NAV3: variants seen among roughly 807,000 people sequenced by gnomAD.
The protein encoded by NAV3 is pore membrane and/or filament interacting like protein 1.
NAV3 carries 87 observed loss-of-function variants against 244.7 expected under a neutral mutation model. That is an observed-to-expected ratio of 0.36 (90% CI 0.30 to 0.42). NAV3 has a LOEUF of 0.42. Among genes scored for constraint, NAV3 ranks in the 20% least tolerant of loss-of-function variants. The pLI is 1.00. For synonymous variants in NAV3, 1,126 were observed against 1,042.2 expected, an observed-to-expected ratio of 1.08 and a Z score of -1.55; for missense variants, 2,663 against 2,893.3, an observed-to-expected ratio of 0.92 and a Z score of 1.83.
chr12:77,712,776 C>T (rs573753725), intron 2 of NAV3, among the ~76,000 whole-genome samples: 5 of 152,302 alleles, frequency 3.3e-5, no homozygotes, highest in African/African-American at 1.2e-4. Flanking sequence ...GTTCTGTAAA[C>T]CAGATTTTGT....
chr12:78,168,857 C>T lies in NAV3; in HGVS notation c.4972C>T (p.Pro1658Ser), dbSNP rs1360695233. Residue 1658 changes from proline to serine, a missense_variant, in exon 24 of 40, where the codon CCT (proline) becomes TCT (serine). By Grantham distance (74) the Pro-to-Ser change is moderately conservative. Around this residue, in one of 6 missense-constraint regions of NAV3, gnomAD observed 193 missense variants for 200.7 expected, o/e 0.96. Coordinates refer to ENST00000397909, the MANE Select transcript of NAV3 (RefSeq NM_001024383.2). ...GGGAGCACTGAATGGTCCAGACCAT[C>T]CTCCCAAAGGTATATTTAGAAATCA... ...IQGALNGPDH[P>S]PKDLRIRRQH... 1 of 1,598,350 alleles carries T rather than the reference C, an allele frequency of 6.3e-7. No homozygotes were observed. Among genetic ancestry groups the T allele is most frequent in the Admixed American group, 1.7e-5 (1 of 57,572 alleles).
chr12:77,888,122 G>T (rs1243987848), intron 1 of NAV3, among the ~76,000 whole-genome samples: 1 of 151,632 alleles, frequency 6.6e-6, no homozygotes, highest in African/African-American at 2.4e-5. Flanking sequence ...CCATGGGTTT[G>T]CAAAAGATTT....
intron 16 of NAV3, among the ~76,000 whole-genome samples, chr12:78,124,833 A>G (rs1202545603): frequency 6.6e-6 from 1 of 151,690 alleles, no homozygotes; most frequent in African/African-American, 2.4e-5. Context: ...TAAACTTTAA[A>G]CTAATTTTGG....
chr12:77,723,938 C>T (rs762895941), intron 2 of NAV3, among the ~76,000 whole-genome samples: 22 of 151,236 alleles, frequency 1.5e-4, no homozygotes, highest in Non-Finnish European at 3.0e-4. Flanking sequence ...CGTGTTCATT[C>T]GTTTGTTCTT....
intron 2 of NAV3, among the ~76,000 whole-genome samples, chr12:77,753,250 A>T (rs529642246): frequency 6.6e-6 from 1 of 152,022 alleles, no homozygotes; most frequent in Admixed American, 6.5e-5. Context: ...TACGCAGTGA[A>T]GAAAACTACT....
intron 2 of NAV3, among the ~76,000 whole-genome samples, chr12:77,615,700 A>G (rs1871120963): frequency 6.6e-6 from 1 of 152,150 alleles, no homozygotes; most frequent in African/African-American, 2.4e-5. Flanking sequence ...GTGCCTTTTT[A>G]GTAGAATGAT....
intron 1 of NAV3, among the ~76,000 whole-genome samples, chr12:77,853,082 A>G (rs1227810969): frequency 1.3e-5 from 2 of 152,232 alleles, no homozygotes; most frequent in African/African-American, 2.4e-5. Context: ...TGGTTGTACC[A>G]GATTGCTTTC....
rs542848229 is a variant in NAV3, at chr12:77,934,576, T to C, written c.244-5743T>C. On this transcript the variant is annotated intron_variant, in intron 1 of 39. Coordinates refer to ENST00000397909, the MANE Select transcript of NAV3 (RefSeq NM_001024383.2). ...TTCCCTATACTAGTTTTTCTTTTTG[T>C]GGGAAAAACACTTACTTCACTGATC... 6.6e-5 allele frequency among the ~76,000 whole-genome samples: 10 copies of C among 152,292 alleles called. No individual in the cohort carries two copies. The East Asian group carries it at 1.9e-3, about 29-fold the overall frequency.
chr12:77,658,600 A>G (rs2137024315), intron 2 of NAV3, among the ~76,000 whole-genome samples: 1 of 152,180 alleles, frequency 6.6e-6, no homozygotes, highest in East Asian at 1.9e-4. Context: ...CAGAATTGGA[A>G]AAAACTACTT....
At chr12:77,658,738 A>G (rs2137025227) in intron 2 of NAV3, among the ~76,000 whole-genome samples, 1 of 152,178 alleles carries the variant, frequency 6.6e-6, no homozygotes, top group South Asian at 2.1e-4. Flanking sequence ...CCAAAACAGC[A>G]TGGTACTGGT....
chr12:77,612,589 G>A (rs78352710), intron 2 of NAV3, among the ~76,000 whole-genome samples: 1 of 151,992 alleles, frequency 6.6e-6, no homozygotes, highest in African/African-American at 2.4e-5. Context: ...TATCTAAACT[G>A]AACACTACAC....
At chr12:77,727,028 A>G (rs934767479) in intron 2 of NAV3, among the ~76,000 whole-genome samples, 1 of 152,038 alleles carries the variant, frequency 6.6e-6, no homozygotes, top group East Asian at 1.9e-4. Context: ...CTCTGGCTAC[A>G]GCACTCATCA....
intron 12 of NAV3, among the ~76,000 whole-genome samples, chr12:78,070,402 G>GT (rs369994220): frequency 0.013 from 1,805 of 139,286 alleles, 29 homozygotes; most frequent in Middle Eastern, 0.014. Flanking sequence ...CTCAGGTGAA[G>GT]TTTTTTTTTT....
rs201312144 is a variant in NAV3 at position 78,177,415 on chromosome 12, A to AT, written c.5297+107dup. ...CCATATCTGTACCAATTATTTTCAG[A>AT]TTTTTCTGAGAATGATGGACAGCAT... On this transcript the variant is annotated intron_variant, in intron 27 of 39. Coordinates refer to ENST00000397909, the MANE Select transcript of NAV3 (RefSeq NM_001024383.2). The AT allele has an allele frequency of 8.1e-4, 1,087 of 1,350,100 alleles. 4 individuals carry two copies. The East Asian group carries it at 0.016, about 20-fold the overall frequency. The allele number at this position is 1,350,100 out of a possible 1,614,324, so 83.6% of individuals were successfully genotyped here.
chr12:77,729,576 A>G (rs1044008834), intron 2 of NAV3, among the ~76,000 whole-genome samples: 1 of 151,972 alleles, frequency 6.6e-6, no homozygotes, highest in African/African-American at 2.4e-5. Context: ...GGAAGCTTAT[A>G]ACTAACTGAA....
chr12:77,671,544 T>C (rs897351907), intron 2 of NAV3, among the ~76,000 whole-genome samples: 16 of 152,164 alleles, frequency 1.1e-4, no homozygotes, highest in Admixed American at 3.3e-4. Flanking sequence ...CAAAACAGCA[T>C]GATACTGGTA....
chr12:77,905,775 C>A (rs1004623572), intron 1 of NAV3, among the ~76,000 whole-genome samples: 4 of 152,042 alleles, frequency 2.6e-5, no homozygotes, highest in African/African-American at 7.2e-5. Flanking sequence ...ATATGGCTGA[C>A]CAGACCCATA....
chr12:77,613,283 CT>C (rs1328118027), intron 2 of NAV3, among the ~76,000 whole-genome samples: 1 of 152,092 alleles, frequency 6.6e-6, no homozygotes, highest in Non-Finnish European at 1.5e-5. Context: ...CAAATGTGTT[CT>C]TTTTTTAAAA....
chr12:77,871,525 A>G (rs1184241658), intron 1 of NAV3, among the ~76,000 whole-genome samples: 2 of 152,142 alleles, frequency 1.3e-5, no homozygotes, highest in African/African-American at 4.8e-5. Context: ...CTTATGAGTG[A>G]GAACATGCAG....
Sources: allele counts gnomAD v4.1 joint callset (sites outside exome capture counted in the v4.1 genomes callset), GRCh38; gene constraint gnomAD v4.1.1; regional missense constraint gnomAD v4.1.1; transcripts MANE v1.5; gene names NCBI Gene and HGNC (gene_info 2026-07-23, HGNC 2026-07-21).